ROBO1: variants seen among roughly 807,000 people sequenced by gnomAD.
ROBO1 encodes roundabout homolog 1.
ROBO1 carries 149 observed loss-of-function variants against 195.9 expected under a neutral mutation model. That is an observed-to-expected ratio of 0.76 (90% CI 0.67 to 0.87). The LOEUF is 0.87. ROBO1 is among the 40% of genes least tolerant of loss of function. The probability of loss-of-function intolerance (pLI) is 0.00; values close to 1 mark genes in which losing one functional copy is unlikely to be tolerated. For missense variants in ROBO1, 1,933 were observed against 2,068.3 expected (o/e 0.93, Z 1.27); for synonymous variants, 816 against 733.2 (o/e 1.11, Z -1.82).
At chr3:78,996,571 C>T (rs1269686481) in intron 3 of ROBO1, among the ~76,000 whole-genome samples, 1 of 152,104 alleles carries the variant, frequency 6.6e-6, no homozygotes, top group Non-Finnish European at 1.5e-5. Flanking sequence ...GACCAGTTCA[C>T]ACTGGTAAAT....
intron 5 of ROBO1, among the ~76,000 whole-genome samples, chr3:78,742,961 T>C (rs927730506): frequency 6.6e-6 from 1 of 152,202 alleles, no homozygotes; most frequent in Admixed American, 6.5e-5. Flanking sequence ...TAAAATGTCA[T>C]CTAGTTCACT....
chr3:79,477,457 A>G (rs1226508220), intron 2 of ROBO1, among the ~76,000 whole-genome samples: 2 of 152,140 alleles, frequency 1.3e-5, no homozygotes, highest in Non-Finnish European at 2.9e-5. Flanking sequence ...GTCCTTGAAC[A>G]TTAAGTTTTC....
intron 29 of ROBO1, among the ~76,000 whole-genome samples, chr3:78,600,808 T>C (rs1237683868): frequency 2.0e-5 from 3 of 151,684 alleles, no homozygotes; most frequent in Middle Eastern, 3.4e-3. Context: ...ACATAACTTA[T>C]AAAATGTTAT....
chr3:79,068,946 C>T (rs2079044904), intron 3 of ROBO1, among the ~76,000 whole-genome samples: 1 of 151,734 alleles, frequency 6.6e-6, no homozygotes, highest in Admixed American at 6.6e-5. Flanking sequence ...TCCCTTTATC[C>T]TAAATTTTTG....
chr3:79,581,934 T>C (rs950383614), intron 2 of ROBO1, among the ~76,000 whole-genome samples: 1 of 152,004 alleles, frequency 6.6e-6, no homozygotes, highest in African/African-American at 2.4e-5. Context: ...ATTATTCTTC[T>C]GAGTGTTACT....
At chr3:79,766,249 TA>T (rs1016235401) in intron 1 of ROBO1, among the ~76,000 whole-genome samples, 7 of 151,898 alleles carry the variant, frequency 4.6e-5, no homozygotes, top group Non-Finnish European at 7.4e-5. Flanking sequence ...ATAATTGCCC[TA>T]AATTGCTTGT....
intron 4 of ROBO1, among the ~76,000 whole-genome samples, chr3:78,751,182 A>C (rs545139080): frequency 2.6e-5 from 4 of 152,232 alleles, no homozygotes; most frequent in African/African-American, 9.6e-5. Context: ...ACCTACATGA[A>C]TCATAGAATC....
intron 4 of ROBO1, among the ~76,000 whole-genome samples, chr3:78,918,492 T>C (rs1258157161): frequency 6.6e-6 from 1 of 152,166 alleles, no homozygotes; most frequent in Non-Finnish European, 1.5e-5. Context: ...ATATGAATCA[T>C]TATCCCTTAT....
At chr3:78,709,623 T>G (rs2108001860) in intron 8 of ROBO1, among the ~76,000 whole-genome samples, 1 of 152,260 alleles carries the variant, frequency 6.6e-6, no homozygotes, top group South Asian at 2.1e-4. Context: ...GTGGTACAGG[T>G]TTTAGTGGTG....
intron 2 of ROBO1, among the ~76,000 whole-genome samples, chr3:79,133,532 C>G (rs2108590134): frequency 1.2e-5 from 1 of 82,184 alleles, no homozygotes; most frequent in East Asian, 3.7e-4. Flanking sequence ...TTTTCAGCTC[C>G]ATCAGCTCCT....
chr3:78,922,551 G>A (rs1232318790), intron 4 of ROBO1, among the ~76,000 whole-genome samples: 3 of 150,018 alleles, frequency 2.0e-5, no homozygotes, highest in African/African-American at 4.9e-5. Flanking sequence ...ATCCTCTCTC[G>A]ATTACTTTTT....
At chr3:79,333,645 G>T (rs2034542186) in intron 2 of ROBO1, among the ~76,000 whole-genome samples, 1 of 152,092 alleles carries the variant, frequency 6.6e-6, no homozygotes, top group African/African-American at 2.4e-5. Context: ...TCCTGAAGTT[G>T]TTCCTCCAGC....
At chr3:79,205,764 C>A (rs1420983101) in intron 2 of ROBO1, among the ~76,000 whole-genome samples, 1 of 152,100 alleles carries the variant, frequency 6.6e-6, no homozygotes. Flanking sequence ...ATTTCTGGAA[C>A]ATTAGTTAGT....
intron 3 of ROBO1, chr3:79,018,820 A>G: frequency 9.8e-7 from 1 of 1,021,894 alleles, no homozygotes. Flanking sequence ...CGCCCCCACA[A>G]TGTGCGGCCG....
intron 2 of ROBO1, among the ~76,000 whole-genome samples, chr3:79,474,903 G>GT (rs1410401925): frequency 6.6e-6 from 1 of 151,934 alleles, no homozygotes; most frequent in African/African-American, 2.4e-5. Context: ...AATCAGATTT[G>GT]TTTTTTGTTA....
chr3:79,644,079 T>C (rs1277600044), intron 1 of ROBO1, among the ~76,000 whole-genome samples: 1 of 152,040 alleles, frequency 6.6e-6, no homozygotes, highest in Non-Finnish European at 1.5e-5. Flanking sequence ...ATTAAATAGA[T>C]TGCAAATCAA....
rs1354183950 is a variant in ROBO1 at position 78,634,600 on chromosome 3, G to A, written c.3374-558C>T. The A allele has an allele frequency of 1.6e-5, 4 of 244,286 alleles. 2 individuals carry two copies. The highest frequency in any genetic ancestry group is 1.6e-4 in the South Asian group (4 of 25,470). The allele number at this position is 244,286 out of a possible 1,614,324, so 15.1% of individuals were successfully genotyped here. A position where few individuals can be genotyped will look rare whatever the true frequency, so the allele number is the denominator to read the frequency against. On this transcript the variant is annotated intron_variant, in intron 23 of 30. Transcript: ENST00000464233. ...GAAATATTTGTGCGGAGGCTCTCAG[G>A]GCTTTCCGAAGTCCACAGTAAAACA...
intron 3 of ROBO1, among the ~76,000 whole-genome samples, chr3:79,083,742 AAGT>A: frequency 6.6e-6 from 1 of 152,338 alleles, no homozygotes; most frequent in East Asian, 1.9e-4. Context: ...CTGTGAACTG[AAGT>A]ACTTTTTAAT....
At chr3:78,869,760 G>A (rs533170494) in intron 4 of ROBO1, among the ~76,000 whole-genome samples, 1 of 152,126 alleles carries the variant, frequency 6.6e-6, no homozygotes, top group Admixed American at 6.5e-5. Context: ...CCCCTGGCCT[G>A]GCATATTTAT....
Sources: gnomAD v4.1 joint callset for allele counts (sites outside exome capture counted in the v4.1 genomes callset) on GRCh38, gnomAD v4.1.1 for gene constraint, MANE v1.5 for transcripts, NCBI Gene and HGNC (gene_info 2026-07-23, HGNC 2026-07-21) for gene names.